Variants in DMD observed in about 807,000 individuals in gnomAD.
DMD encodes the protein mutant dystrophin.
Under a neutral mutation model 330.1 loss-of-function variants are expected in DMD, and 63 were observed. The observed-to-expected ratio is 0.19, with a 90% CI of 0.16 to 0.24. DMD has a LOEUF of 0.24. Ranked by LOEUF, DMD falls within the 10% of genes least tolerant of loss-of-function variation. The pLI, the probability that DMD is intolerant of heterozygous loss-of-function variation, is 1.00. For synonymous variants in DMD, 1,223 were observed against 959.8 expected (o/e 1.27, Z -5.07); for missense variants, 3,344 against 2,684.1 (o/e 1.25, Z -5.43).
intron 51 of DMD, among the ~76,000 whole-genome samples, chrX:31,759,281 T>C (rs1234650204): frequency 3.0e-4 from 14 of 46,340 alleles, no homozygotes; most frequent in African/African-American, 1.7e-3. Context: ...CATCAAATAA[T>C]TGACAAAAAA....
intron 55 of DMD, among the ~76,000 whole-genome samples, chrX:31,522,086 C>A (rs1483618113): frequency 9.1e-6 from 1 of 110,101 alleles, no homozygotes; most frequent in Non-Finnish European, 1.9e-5. Flanking sequence ...GAACAATTAG[C>A]CTTGCCCCCC....
chrX:32,013,420 A>G (rs1300080949), intron 44 of DMD, among the ~76,000 whole-genome samples: 1 of 111,054 alleles, frequency 9.0e-6, no homozygotes, highest in Non-Finnish European at 1.9e-5. Flanking sequence ...TGCAAATCGT[A>G]CTTCAACTGT....
chrX:31,451,895 C>T (rs2057068260), intron 59 of DMD, among the ~76,000 whole-genome samples: 1 of 110,343 alleles, frequency 9.1e-6, no homozygotes, highest in Admixed American at 9.6e-5. Flanking sequence ...TTGTGATAGC[C>T]TGAAGGCAAA....
intron 1 of DMD, among the ~76,000 whole-genome samples, chrX:33,233,546 A>C (rs967584575): frequency 8.9e-6 from 1 of 112,791 alleles, no homozygotes; most frequent in Admixed American, 9.4e-5. Flanking sequence ...AGCTAGTTCG[A>C]AAGGATTAAA....
intron 4 of DMD, among the ~76,000 whole-genome samples, chrX:32,823,613 A>T (rs948430431): frequency 4.5e-5 from 5 of 112,010 alleles, no homozygotes; most frequent in Non-Finnish European, 1.9e-5. Context: ...TGAATAGATT[A>T]CTGCAGATTA....
intron 48 of DMD, among the ~76,000 whole-genome samples, chrX:31,859,645 T>C (rs375260156): frequency 1.0e-3 from 115 of 112,403 alleles, no homozygotes; most frequent in Non-Finnish European, 1.8e-3. Flanking sequence ...TACATACTTA[T>C]GGATATAACA....
At position 32,419,880 on chromosome X, in the gene DMD, G is replaced by C. The variant is rs778858058; in HGVS notation, c.4072-7967C>G. On this transcript the variant is annotated intron_variant, in intron 29 of 78. Transcript: ENST00000357033. ...AGCCATCACTTTCAAGTAAAGCATT[G>C]AGCATTGATAGAATGGTCAATGAGC... Among the ~76,000 whole-genome samples, 6 of 70,872 alleles carry C rather than the reference G, an allele frequency of 8.5e-5. No homozygotes were observed. In the South Asian group the frequency reaches 2.7e-3, roughly 31 times the overall value. The allele number at this position is 70,872 out of a possible 115,157, so 61.5% of individuals were successfully genotyped here. A position where few individuals can be genotyped will look rare whatever the true frequency, so the allele number is the denominator to read the frequency against.
chrX:32,309,267 T>A (rs12010323), intron 42 of DMD, among the ~76,000 whole-genome samples: 21,275 of 111,073 alleles, frequency 0.19, 2,212 homozygotes, highest in African/African-American at 0.4. Context: ...TAAAATACTT[T>A]AGCTAATATG....
At chrX:32,363,160 A>T (rs1603631712) in intron 36 of DMD, among the ~76,000 whole-genome samples, 1 of 111,646 alleles carries the variant, frequency 9.0e-6, no homozygotes, top group East Asian at 2.8e-4. Context: ...CAGGACTAAA[A>T]TGAAAATGCG....
intron 53 of DMD, among the ~76,000 whole-genome samples, chrX:31,668,874 T>C (rs2081583897): frequency 8.9e-6 from 1 of 112,144 alleles, no homozygotes; most frequent in African/African-American, 3.2e-5. Flanking sequence ...TGACTTTCTG[T>C]GCCTGGCTTA....
At chrX:32,837,081 G>A (rs2079717243) in intron 4 of DMD, among the ~76,000 whole-genome samples, 1 of 111,585 alleles carries the variant, frequency 9.0e-6, no homozygotes, top group Admixed American at 9.6e-5. Flanking sequence ...CCTCAAAGGT[G>A]ACTGGCTTCC....
At position 32,964,553 on chromosome X, in the gene DMD, C is replaced by A. The variant is rs887272897; in HGVS notation, c.93+55586G>T. 3.7e-5 allele frequency among the ~76,000 whole-genome samples: 4 copies of A among 109,099 alleles called. No homozygotes were observed. The Admixed American group carries it at 3.9e-4, about 11-fold the overall frequency. The allele number at this position is 109,099 out of a possible 115,157, so 94.7% of individuals were successfully genotyped here. On this transcript the variant is annotated intron_variant, in intron 2 of 78. Coordinates refer to ENST00000357033, the MANE Select transcript of DMD (RefSeq NM_004006.3). ...CAGAATCCCATCTCTACTAAAAATA[C>A]AAAAATTAGCCGGGCGTGGTGGCGT...
chrX:31,271,079 A>C (rs1207222624), intron 62 of DMD, among the ~76,000 whole-genome samples: 1 of 111,382 alleles, frequency 9.0e-6, no homozygotes, highest in Non-Finnish European at 1.9e-5. Context: ...GATTTCTAAG[A>C]CTCTCCAAGT....
chrX:32,730,711 G>C (rs1206919719), intron 7 of DMD, among the ~76,000 whole-genome samples: 1 of 112,033 alleles, frequency 8.9e-6, no homozygotes, highest in African/African-American at 3.2e-5. Context: ...TAAATATTTT[G>C]AATAATGAAG....
At chrX:31,417,112 C>T (rs1457880454) in intron 60 of DMD, among the ~76,000 whole-genome samples, 1 of 111,408 alleles carries the variant, frequency 9.0e-6, no homozygotes, top group African/African-American at 3.3e-5. Flanking sequence ...ATGCCCTGTT[C>T]TTCTTCGGGG....
chrX:32,394,613 A>G, intron 30 of DMD, among the ~76,000 whole-genome samples: 1 of 111,454 alleles, frequency 9.0e-6, no homozygotes, highest in Middle Eastern at 4.6e-3. Flanking sequence ...CCTCGTAAGC[A>G]CAAAACCCTA....
At chrX:31,293,208 T>A (rs868410753) in intron 62 of DMD, among the ~76,000 whole-genome samples, 1 of 75,009 alleles carries the variant, frequency 1.3e-5, no homozygotes, top group African/African-American at 7.4e-5. Context: ...TGGTTTAGTG[T>A]GTGTGTGTGT....
chrX:31,966,783 A>C (rs771326377), intron 45 of DMD, among the ~76,000 whole-genome samples: 1 of 111,252 alleles, frequency 9.0e-6, no homozygotes, highest in South Asian at 3.7e-4. Context: ...TTTAGAGCCC[A>C]ATAACAGATA....
intron 11 of DMD, among the ~76,000 whole-genome samples, chrX:32,631,722 A>T (rs1368525102): frequency 6.3e-5 from 7 of 111,066 alleles, no homozygotes; most frequent in Admixed American, 5.7e-4. Context: ...AACCAACTGG[A>T]TCTGACAAGA....
Sources: allele counts gnomAD v4.1 joint callset (sites outside exome capture counted in the v4.1 genomes callset), GRCh38; gene constraint gnomAD v4.1.1; transcripts MANE v1.5; gene names NCBI Gene and HGNC (gene_info 2026-07-23, HGNC 2026-07-21).